The following EFCAB5 variants were observed in gnomAD, a reference collection of about 807,000 sequenced individuals.
The protein encoded by EFCAB5 is EF-hand calcium binding domain 5.
EFCAB5 carries 131 observed loss-of-function variants against 167.9 expected under a neutral mutation model. The observed-to-expected ratio is 0.78, with a 90% CI of 0.68 to 0.90. The LOEUF (loss-of-function observed/expected upper bound fraction) is 0.90. EFCAB5 is among the 40% of genes least tolerant of loss of function. The pLI, the probability that EFCAB5 is intolerant of heterozygous loss-of-function variation, is 0.00. For missense variants in EFCAB5, 1,663 were observed against 1,745.2 expected (o/e 0.95, Z 0.84); for synonymous variants, 574 against 602.8 (o/e 0.95, Z 0.70).
At chr17:30,008,550 A>G (rs2151673965) in intron 7 of EFCAB5, among the ~76,000 whole-genome samples, 1 of 152,180 alleles carries the variant, frequency 6.6e-6, no homozygotes, top group East Asian at 1.9e-4. Context: ...AGATCATGCC[A>G]CTGCACTCCA....
chr17:30,000,339 A>G, intron 7 of EFCAB5, among the ~76,000 whole-genome samples: 1 of 152,160 alleles, frequency 6.6e-6, no homozygotes, highest in Admixed American at 6.5e-5. Flanking sequence ...CCTCTCAGCA[A>G]CCCTTTCCTC....
chr17:29,993,013 G>A (rs1453406851), intron 4 of EFCAB5, among the ~76,000 whole-genome samples, 152 bp from the exon 5 acceptor site: 2 of 152,182 alleles, frequency 1.3e-5, no homozygotes, highest in Admixed American at 6.5e-5. Context: ...ATAAGTGCTT[G>A]TGGAAGAAGG....
rs769527728 is a variant in EFCAB5 at position 30,107,968 on chromosome 17, A to C, written c.4456A>C (p.Lys1486Gln). 1 of 1,609,944 alleles carries C rather than the reference A, an allele frequency of 6.2e-7. No individual in the cohort carries two copies. The highest frequency in any genetic ancestry group is 8.5e-7 in the Non-Finnish European group (1 of 1,178,990). The change falls in exon 23 of 23, where the codon AAG becomes CAG. Residue 1486 changes from lysine to glutamine, a missense_variant. Transcript: ENST00000394835. The stretch of plus-strand genomic sequence containing the variant: ...TGGTATTACACCTCCGTTGCCCTCC[A>C]AGACTGACAATTATATGTATGCAAA... ...NSGITPPLPS[K>Q]TDNYMYAKMP...
At position 30,005,786 on chromosome 17, in the gene EFCAB5, G is replaced by C. The variant is rs560364722; in HGVS notation, c.1044+5810G>C. On this transcript the variant is annotated intron_variant, in intron 7 of 22. Transcript: ENST00000394835. ...AAACTGACAAAACAGACTCTTTTTG[G>C]CAATAAGATACTAAGTTACAAACAA... is the stretch of plus-strand genomic sequence containing the variant. Among the ~76,000 whole-genome samples, 14 of 152,150 alleles carry C rather than the reference G, an allele frequency of 9.2e-5. No homozygotes were observed. In the East Asian group the frequency reaches 2.5e-3, roughly 27 times the overall value.
intron 13 of EFCAB5, among the ~76,000 whole-genome samples, chr17:30,058,813 G>A (rs2070344758): frequency 6.6e-6 from 1 of 151,874 alleles, no homozygotes; most frequent in Non-Finnish European, 1.5e-5. Flanking sequence ...AAGTTACAGT[G>A]AACTGTAATT....
chr17:30,016,542 A>G (rs899993493), intron 7 of EFCAB5, among the ~76,000 whole-genome samples: 3 of 152,200 alleles, frequency 2.0e-5, no homozygotes, highest in Non-Finnish European at 4.4e-5. Context: ...TGTATATTGA[A>G]CTTTAATCCT....
In EFCAB5 at chr17:30,080,765, G is replaced by C. The variant is rs920767165; in HGVS notation, c.3210G>C (p.Val1070=). The part of the protein sequence containing the change: ...RDMKGISFTV[V]DEGKPIHVPQ... ...TCTTTTTCCTCAGCTTTACAGTAGT[G>C]GATGAAGGGAAGCCAATCCATGTTC... The change falls in exon 17 of 23, where the codon GTG becomes GTC. Residue 1070 remains valine (V), a synonymous_variant. Coordinates refer to ENST00000394835, the MANE Select transcript of EFCAB5 (RefSeq NM_198529.4). 1.2e-6 allele frequency: 2 copies of C among 1,603,468 alleles called. No homozygotes were observed. Among genetic ancestry groups the C allele is most frequent in the Non-Finnish European group, 1.7e-6 (2 of 1,174,700 alleles).
At chr17:30,100,259 T>C (rs1213028307) in intron 22 of EFCAB5, among the ~76,000 whole-genome samples, 1 of 152,114 alleles carries the variant, frequency 6.6e-6, no homozygotes, top group Non-Finnish European at 1.5e-5. Context: ...GGTACAGTAG[T>C]GAATGACATA....
intron 10 of EFCAB5, 101 bp downstream of exon 10, chr17:30,054,249 G>T: frequency 4.3e-6 from 6 of 1,410,440 alleles, no homozygotes; most frequent in Non-Finnish European, 5.6e-6. Flanking sequence ...TTTTTTTCTG[G>T]CATATCAGAT....
chr17:30,059,437 A>C (rs1176825675), intron 13 of EFCAB5, 108 bp from the exon 14 acceptor site: 2 of 1,224,070 alleles, frequency 1.6e-6, no homozygotes, highest in East Asian at 4.9e-5. Flanking sequence ...CCTCAAAGTA[A>C]ACCTGTTTTA....
chr17:29,992,335 T>G (rs1207001622), intron 4 of EFCAB5, among the ~76,000 whole-genome samples: 2 of 152,128 alleles, frequency 1.3e-5, no homozygotes, highest in Non-Finnish European at 2.9e-5. Flanking sequence ...CTGTATAGTA[T>G]TCCATTGTAT....
At chr17:29,934,955 T>C (rs1237319144) in intron 1 of EFCAB5, among the ~76,000 whole-genome samples, 1 of 151,946 alleles carries the variant, frequency 6.6e-6, no homozygotes, top group Admixed American at 6.6e-5. Context: ...GCATACCAAA[T>C]GAAGTATTTC....
chr17:30,091,121 G>A (rs1457118417), intron 20 of EFCAB5, among the ~76,000 whole-genome samples: 1 of 152,186 alleles, frequency 6.6e-6, no homozygotes, highest in Non-Finnish European at 1.5e-5. Context: ...TTCCCACTAT[G>A]TTATACAGCA....
chr17:29,946,053 C>T (rs1346755875), intron 3 of EFCAB5, among the ~76,000 whole-genome samples: 1 of 152,066 alleles, frequency 6.6e-6, no homozygotes, highest in East Asian at 1.9e-4. Flanking sequence ...AACTGACAAC[C>T]CACAGAATGG....
chr17:30,022,800 T>C (rs909326696), intron 7 of EFCAB5, among the ~76,000 whole-genome samples: 1 of 152,146 alleles, frequency 6.6e-6, no homozygotes, highest in African/African-American at 2.4e-5. Context: ...CACTAGCAAA[T>C]GTAAAAGAAC....
At chr17:29,934,125 A>T (rs1384201650) in intron 1 of EFCAB5, among the ~76,000 whole-genome samples, 1 of 152,236 alleles carries the variant, frequency 6.6e-6, no homozygotes, top group African/African-American at 2.4e-5. Context: ...TTTTTTATAC[A>T]GGATTTTATG....
chr17:30,030,029 G>A (rs9896062), intron 7 of EFCAB5, among the ~76,000 whole-genome samples: 94,533 of 152,094 alleles, frequency 0.62, 31,628 homozygotes, highest in African/African-American at 0.88. Flanking sequence ...TAACTGAAAG[G>A]TATTGGTAAT....
In EFCAB5 at chr17:29,993,392, A is replaced by G; in HGVS notation, c.924+71A>G. 13 of 1,459,384 alleles carry G rather than the reference A, an allele frequency of 8.9e-6. No individual in the cohort carries two copies. The South Asian group carries it at 1.9e-4, about 22-fold the overall frequency. 90.4% of individuals were successfully genotyped at this position (1,459,384 alleles called of 1,614,324 possible). A position where few individuals can be genotyped will look rare whatever the true frequency, so the allele number is the denominator to read the frequency against. On this transcript the variant is annotated intron_variant, in intron 5 of 22. Transcript: ENST00000394835. ...TAAAAGGGCAATTGCTAGAATACTG[A>G]GTAGCATACTAGAAGCCTCCCTTGA...
intron 14 of EFCAB5, among the ~76,000 whole-genome samples, chr17:30,060,713 G>A (rs1336298151): frequency 6.6e-6 from 1 of 152,026 alleles, no homozygotes; most frequent in African/African-American, 2.4e-5. Context: ...ATACTACCTG[G>A]CATGTCTTAG....
Sources: allele counts gnomAD v4.1 joint callset (sites outside exome capture counted in the v4.1 genomes callset), GRCh38; gene constraint gnomAD v4.1.1; transcripts MANE v1.5; gene names NCBI Gene and HGNC (gene_info 2026-07-23, HGNC 2026-07-21).